The following ELAVL1 variants were observed in gnomAD, a reference collection of about 807,000 sequenced individuals.
The protein encoded by ELAVL1 is ELAV-like protein 1.
ELAVL1 carries 1 observed loss-of-function variant against 28.4 expected under a neutral mutation model. The ratio of observed to expected loss-of-function variants is 0.04; its 90% CI spans 0.01 to 0.17. The LOEUF (loss-of-function observed/expected upper bound fraction) is 0.17, where lower values mean the gene tolerates loss of function less well. Ranked by LOEUF, ELAVL1 falls within the 10% of genes least tolerant of loss-of-function variation. The pLI is 1.00. For missense variants in ELAVL1, 157 were observed against 447.2 expected (o/e 0.35, Z 5.85); for synonymous variants, 174 against 183.5 (o/e 0.95, Z 0.42).
intron 4 of ELAVL1, among the ~76,000 whole-genome samples, chr19:7,970,312 T>A (rs571849712): frequency 6.6e-6 from 1 of 152,240 alleles, no homozygotes; most frequent in East Asian, 1.9e-4. Flanking sequence ...CCTGCCACCA[T>A]GCCTGGCTAA....
chr19:7,970,175 G>C lies in ELAVL1; in HGVS notation c.431-2385C>G, dbSNP rs184489095. Among the ~76,000 whole-genome samples the C allele has an allele frequency of 3.7e-4, 56 of 150,494 alleles. 1 individual carries two copies. The East Asian group carries it at 9.4e-3, about 25-fold the overall frequency. On this transcript the variant is annotated intron_variant, in intron 4 of 5. Coordinates refer to ENST00000407627, the MANE Select transcript of ELAVL1 (RefSeq NM_001419.3). Reference sequence around the variant, plus strand: ...ATTTTACTTTATTTATTTATTTAGAGATGGAGTTTCGCTCTTTTTGCCCAG... The same window carrying C: ...ATTTTACTTTATTTATTTATTTAGACATGGAGTTTCGCTCTTTTTGCCCAG...
intron 1 of ELAVL1, among the ~76,000 whole-genome samples, chr19:7,992,549 G>A (rs1017344958): frequency 6.6e-6 from 1 of 152,170 alleles, no homozygotes. Context: ...GCACACTACA[G>A]AGAAAAAGAT....
chr19:7,984,172 C>T (rs1475854742), intron 2 of ELAVL1, among the ~76,000 whole-genome samples: 1 of 152,200 alleles, frequency 6.6e-6, no homozygotes, highest in Non-Finnish European at 1.5e-5. Context: ...TCTCTGTCCT[C>T]AAGGAGCTGA....
chr19:7,974,902 A>T (rs748037702), intron 3 of ELAVL1, among the ~76,000 whole-genome samples: 5 of 152,202 alleles, frequency 3.3e-5, no homozygotes, highest in Non-Finnish European at 7.3e-5. Context: ...CAGAGAAGGA[A>T]CAACAGACAT....
intron 1 of ELAVL1, among the ~76,000 whole-genome samples, chr19:7,997,031 C>G (rs577306579): frequency 7.2e-5 from 11 of 152,250 alleles, no homozygotes; most frequent in African/African-American, 2.6e-4. Context: ...AGCAACAAAA[C>G]AGACAATGTC....
intron 4 of ELAVL1, 91 bp from the exon 5 acceptor site, chr19:7,967,881 GC>G: frequency 1.4e-6 from 2 of 1,396,298 alleles, no homozygotes; most frequent in Non-Finnish European, 2.0e-6. Flanking sequence ...TCTACTGTGG[GC>G]CAGGCTAGAA....
intron 4 of ELAVL1, among the ~76,000 whole-genome samples, chr19:7,972,148 G>A (rs1375903938): frequency 6.6e-6 from 1 of 152,248 alleles, no homozygotes; most frequent in Non-Finnish European, 1.5e-5. Flanking sequence ...CTAGGCTCAG[G>A]GAGTGGATTC....
At chr19:7,968,509 G>C (rs1003664408) in intron 4 of ELAVL1, among the ~76,000 whole-genome samples, 3 of 152,230 alleles carry the variant, frequency 2.0e-5, no homozygotes, top group Non-Finnish European at 2.9e-5. Context: ...TCATACAGCA[G>C]AGCTGAACCT....
chr19:7,972,699 T>TCAC (rs1238202680), intron 4 of ELAVL1, among the ~76,000 whole-genome samples: 1 of 149,804 alleles, frequency 6.7e-6, no homozygotes, highest in Admixed American at 6.6e-5. Context: ...CGATCACGGC[T>TCAC]CACCACAGCT....
rs141861449 is a variant in ELAVL1, at chr19:7,989,595, C to G, written c.172+2049G>C. Among the ~76,000 whole-genome samples the G allele has an allele frequency of 2.0e-3, 305 of 152,280 alleles. 1 individual carries two copies. The highest frequency in any genetic ancestry group is 6.9e-3 in the African/African-American group (285 of 41,554). On this transcript the variant is annotated intron_variant, in intron 2 of 5. Coordinates refer to ENST00000407627, the MANE Select transcript of ELAVL1 (RefSeq NM_001419.3). ...GAATGCTTGCAATATCTCTGGTGCTCAGGAATATCAAGGAAAATTCCCTTC... is the reference window on the plus strand; with the variant it reads ...GAATGCTTGCAATATCTCTGGTGCTGAGGAATATCAAGGAAAATTCCCTTC...
At chr19:7,980,526 T>A (rs1985430630) in intron 3 of ELAVL1, among the ~76,000 whole-genome samples, 1 of 150,720 alleles carries the variant, frequency 6.6e-6, no homozygotes, top group Non-Finnish European at 1.5e-5. Flanking sequence ...AGGAAGCCAC[T>A]ATGGCCCTGC....
At chr19:7,965,684 C>T (rs919285968) in intron 5 of ELAVL1, among the ~76,000 whole-genome samples, 10 of 152,150 alleles carry the variant, frequency 6.6e-5, no homozygotes, top group African/African-American at 1.9e-4. Flanking sequence ...TCCACTTCTC[C>T]GGTTTCCCCT....
chr19:8,002,258 A>C, intron 1 of ELAVL1: 1 of 539,004 alleles, frequency 1.9e-6, no homozygotes, highest in East Asian at 6.9e-5. Flanking sequence ...GCTCCTCCCC[A>C]CCGCTACTGC....
At chr19:8,005,017 G>A (rs943110233) in intron 1 of ELAVL1, among the ~76,000 whole-genome samples, 5 of 152,114 alleles carry the variant, frequency 3.3e-5, no homozygotes, top group African/African-American at 1.2e-4. Flanking sequence ...CTACTGAAGG[G>A]TTTGCACACT....
Position 7,990,338 on chromosome 19 carries a change from GT to G in ELAVL1, c.172+1305del, listed in dbSNP as rs752741632. ...TGCCCAGCATTCAACTTTTAAATTA[GT>G]TTTTTTTTTTTTTGAGACAAGGTCT... On this transcript the variant is annotated intron_variant, in intron 2 of 5. Transcript: ENST00000407627. 5.0e-3 allele frequency among the ~76,000 whole-genome samples: 702 copies of G among 141,068 alleles called. 11 individuals are homozygous for G. The highest frequency in any genetic ancestry group is 0.014 in the African/African-American group (523 of 38,224). The allele number at this position is 141,068 out of a possible 152,430, so 92.5% of individuals were successfully genotyped here.
chr19:7,993,732 C>G (rs989177046), intron 1 of ELAVL1, among the ~76,000 whole-genome samples: 1 of 151,910 alleles, frequency 6.6e-6, no homozygotes, highest in Admixed American at 6.6e-5. Context: ...TCGGTGAGAG[C>G]CCATCCCTTT....
chr19:7,986,761 C>T (rs528053270), intron 2 of ELAVL1, among the ~76,000 whole-genome samples: 13 of 152,178 alleles, frequency 8.5e-5, no homozygotes, highest in Admixed American at 7.8e-4. Context: ...GATGGGATCG[C>T]GAGATGTTCA....
At chr19:7,969,502 C>T (rs1004602199) in intron 4 of ELAVL1, among the ~76,000 whole-genome samples, 1 of 152,160 alleles carries the variant, frequency 6.6e-6, no homozygotes, top group Non-Finnish European at 1.5e-5. Flanking sequence ...CGCACACGTG[C>T]CAGGAATATT....
At chr19:8,000,993 C>T (rs1340822814) in intron 1 of ELAVL1, among the ~76,000 whole-genome samples, 2 of 152,244 alleles carry the variant, frequency 1.3e-5, no homozygotes, top group African/African-American at 4.8e-5. Flanking sequence ...AAACCCTGAG[C>T]TCTGGAGCCT....
Sources: allele counts gnomAD v4.1 joint callset (sites outside exome capture counted in the v4.1 genomes callset), GRCh38; gene constraint gnomAD v4.1.1; transcripts MANE v1.5; gene names NCBI Gene and HGNC (gene_info 2026-07-23, HGNC 2026-07-21).